The following CASP9 variants were observed in gnomAD, a reference collection of about 807,000 sequenced individuals.
CASP9 encodes the protein caspase-9.
A neutral mutation model predicts 43.5 loss-of-function variants in CASP9; 29 were observed. The observed-to-expected ratio is 0.67, with a 90% CI of 0.50 to 0.91. CASP9 has a LOEUF of 0.91. Ranked by LOEUF, CASP9 falls within the 40% of genes least tolerant of loss-of-function variation. The pLI is 0.00. For missense variants in CASP9, 575 were observed against 537.4 expected (o/e 1.07, Z -0.69); for synonymous variants, 206 against 211.9 (o/e 0.97, Z 0.24).
intron 7 of CASP9, among the ~76,000 whole-genome samples, chr1:15,494,564 CAA>C (rs34522526): frequency 5.2e-4 from 51 of 97,362 alleles, no homozygotes; most frequent in Admixed American, 6.5e-4. Flanking sequence ...GACTCCGTCT[CAA>C]AAAAAAAAAA....
At chr1:15,517,475 T>C (rs1174577780) in intron 2 of CASP9, among the ~76,000 whole-genome samples, 2 of 152,102 alleles carry the variant, frequency 1.3e-5, no homozygotes, top group Non-Finnish European at 2.9e-5. Context: ...CCCCGGAATG[T>C]TTTCATCTTG....
chr1:15,504,539 G>A lies in CASP9; in HGVS notation c.868+72C>T. Reference sequence around the variant, plus strand: ...ACCTCATGGGCCCTGTGAGGGGCAGGCTGGAGAAAGAAGCAGGTGGCGGCT... The same window carrying A: ...ACCTCATGGGCCCTGTGAGGGGCAGACTGGAGAAAGAAGCAGGTGGCGGCT... On this transcript the variant is annotated intron_variant, in intron 6 of 8. Transcript: ENST00000333868. 4 of 1,494,204 alleles carry A rather than the reference G, an allele frequency of 2.7e-6. No individual in the cohort carries two copies. The South Asian group carries it at 5.2e-5, about 20-fold the overall frequency. 92.6% of individuals were successfully genotyped at this position (1,494,204 alleles called of 1,614,324 possible).
chr1:15,506,053 C>T lies in CASP9; in HGVS notation c.657G>A (p.Leu219=), dbSNP rs147595286. 12 of 1,613,904 alleles carry T rather than the reference C, an allele frequency of 7.4e-6. No homozygotes were observed. The highest frequency in any genetic ancestry group is 1.3e-5 in the African/African-American group (1 of 74,916). ...CCAGAGCACCGTGGTCCTGCTGCGC[C>T]AGCTCCAGCAAAGCCAGCACCATTT... ...AKKMVLALLE[L]AQQDHGALDC... The change falls in exon 5 of 9, where the codon CTG becomes CTA. Residue 219 remains leucine, a synonymous_variant. Coordinates refer to ENST00000333868, the MANE Select transcript of CASP9 (RefSeq NM_001229.5).
chr1:15,494,992 T>A (rs1375794526), intron 7 of CASP9, among the ~76,000 whole-genome samples: 1 of 151,908 alleles, frequency 6.6e-6, no homozygotes, highest in African/African-American at 2.4e-5. Context: ...TGAGGCACGA[T>A]TCCTATTCCC....
intron 1 of CASP9, among the ~76,000 whole-genome samples, chr1:15,518,863 G>T (rs941223676): frequency 8.1e-6 from 1 of 122,804 alleles, no homozygotes; most frequent in African/African-American, 3.5e-5. Context: ...GAGTTTTTTG[G>T]TTTTGTTTTT....
chr1:15,514,538 A>AG (rs1709881177), intron 2 of CASP9, among the ~76,000 whole-genome samples: 2 of 152,222 alleles, frequency 1.3e-5, no homozygotes, highest in Non-Finnish European at 2.9e-5. Context: ...CCTAGGCCCA[A>AG]GTCCTAGCTC....
chr1:15,508,525 GTC>G (rs1487582133), intron 2 of CASP9, among the ~76,000 whole-genome samples: 1 of 152,014 alleles, frequency 6.6e-6, no homozygotes, highest in Non-Finnish European at 1.5e-5. Flanking sequence ...CAATTCTCCT[GTC>G]TCAGCCTCCC....
chr1:15,518,036 C>A (rs1710020596), intron 2 of CASP9, 74 bp downstream of exon 2: 3 of 1,487,820 alleles, frequency 2.0e-6, no homozygotes, highest in African/African-American at 1.4e-5. Flanking sequence ...TCTCAGCCCA[C>A]CCAGCTGTAC....
chr1:15,497,468 C>T (rs919978834), intron 6 of CASP9, among the ~76,000 whole-genome samples: 8 of 151,822 alleles, frequency 5.3e-5, no homozygotes, highest in African/African-American at 1.7e-4. Flanking sequence ...CATGGTGAAA[C>T]CCCGTCTCTA....
rs924209855 is a variant in CASP9, at chr1:15,506,037, C to T, written c.673G>A (p.Gly225Ser). ...ACCACCACGCAGCAGTCCAGAGCAC[C>T]GTGGTCCTGCTGCGCCAGCTCCAGC... ...ALLELAQQDH[G>S]ALDCCVVVIL... The change falls in exon 5 of 9, where the codon GGT becomes AGT. Residue 225 changes from glycine to serine, a missense_variant. By Grantham distance (56) the Gly-to-Ser change is moderately conservative (BLOSUM62 0). Transcript: ENST00000333868. 5.0e-6 allele frequency: 8 copies of T among 1,614,142 alleles called. No individual in the cohort carries two copies. The highest frequency in any genetic ancestry group is 4.0e-5 in the African/African-American group (3 of 75,040).
intron 1 of CASP9, among the ~76,000 whole-genome samples, chr1:15,520,388 A>G (rs1710137986): frequency 6.6e-6 from 1 of 152,256 alleles, no homozygotes; most frequent in African/African-American, 2.4e-5. Flanking sequence ...CATAATACAA[A>G]TTAGGTATAG....
intron 6 of CASP9, among the ~76,000 whole-genome samples, chr1:15,502,650 G>A (rs1570839515): frequency 6.6e-6 from 1 of 152,180 alleles, no homozygotes; most frequent in East Asian, 1.9e-4. Flanking sequence ...AGTCCTAAGA[G>A]TGACAGCAGA....
At position 15,492,963 on chromosome 1, in the gene CASP9, G is replaced by GT. The variant is rs754213793; in HGVS notation, c.1230dup (p.Leu411ThrfsTer4). ...TGGCCTTATGATGTTTTAAAGAAAA[G>GT]TTTTTTCCGGAGGAAATTAAAGCAA... On this transcript the variant is annotated frameshift_variant, in exon 9 of 9. Transcript: ENST00000333868. LOFTEE classifies it high-confidence loss of function. The GT allele has an allele frequency of 8.7e-6, 14 of 1,613,882 alleles. No homozygotes were observed. The highest frequency in any genetic ancestry group is 1.6e-4 in the Middle Eastern group (1 of 6,084).
intron 2 of CASP9, among the ~76,000 whole-genome samples, chr1:15,513,460 CAT>C (rs1204062426): frequency 1.3e-5 from 2 of 152,138 alleles, no homozygotes; most frequent in African/African-American, 4.8e-5. Context: ...AAGTTCCTTC[CAT>C]TCTGAAGGAA....
In CASP9 at chr1:15,492,763, C is replaced by G. The variant is rs1199835776; in HGVS notation, c.*180G>C. Reference sequence around the variant, plus strand: ...CATCTGTCCCTCTTCCTCCACTGTTCAGCACTTGTCGTCAATCTGGAAGCT... The same window carrying G: ...CATCTGTCCCTCTTCCTCCACTGTTGAGCACTTGTCGTCAATCTGGAAGCT... On this transcript the variant is annotated 3_prime_UTR_variant, in exon 9 of 9. Transcript: ENST00000333868. 4.9e-6 allele frequency: 4 copies of G among 808,928 alleles called. No individual in the cohort carries two copies. The highest frequency in any genetic ancestry group is 7.7e-6 in the Non-Finnish European group (4 of 517,970). The allele number at this position is 808,928 out of a possible 1,614,324, so 50.1% of individuals were successfully genotyped here. A position where few individuals can be genotyped will look rare whatever the true frequency, so the allele number is the denominator to read the frequency against.
intron 2 of CASP9, among the ~76,000 whole-genome samples, chr1:15,510,891 A>C (rs575046257): frequency 1.6e-4 from 25 of 152,034 alleles, no homozygotes; most frequent in African/African-American, 5.8e-4. Flanking sequence ...CTCCAACACA[A>C]ACAGAAGAGG....
At chr1:15,524,225 G>A (rs1284490709), upstream of CASP9, 4 of 1,534,168 alleles carry the variant, frequency 2.6e-6, no homozygotes, top group African/African-American at 2.8e-5. Flanking sequence ...TAAGACTCCA[G>A]GCCGCCTCAG....
chr1:15,524,750 A>C, upstream of CASP9: 2 of 988,912 alleles, frequency 2.0e-6, no homozygotes, highest in Non-Finnish European at 2.4e-6. Context: ...CTGTCCCCAG[A>C]ACCTGCCACC....
chr1:15,508,683 G>A (rs545206020), intron 2 of CASP9, among the ~76,000 whole-genome samples: 34 of 152,126 alleles, frequency 2.2e-4, no homozygotes, highest in African/African-American at 7.9e-4. Context: ...CCAAAGTGTT[G>A]AGATTACAGG....
Sources: allele counts gnomAD v4.1 joint callset (sites outside exome capture counted in the v4.1 genomes callset), GRCh38; gene constraint gnomAD v4.1.1; transcripts MANE v1.5; gene names NCBI Gene and HGNC (gene_info 2026-07-23, HGNC 2026-07-21).